Variants in OPHN1 observed in about 807,000 individuals in gnomAD.
The protein encoded by OPHN1 is oligophrenin-1.
Under a neutral mutation model 60.7 loss-of-function variants are expected in OPHN1, and 11 were observed. That is an observed-to-expected ratio of 0.18 (90% CI 0.11 to 0.30). The LOEUF (loss-of-function observed/expected upper bound fraction) is 0.30. Among genes scored for constraint, OPHN1 ranks in the 10% least tolerant of loss-of-function variants. The probability of loss-of-function intolerance (pLI) is 1.00; values close to 1 mark genes in which losing one functional copy is unlikely to be tolerated. For synonymous variants in OPHN1, 226 were observed against 222.6 expected, an observed-to-expected ratio of 1.02 and a Z score of -0.14; for missense variants, 449 against 611.0, an observed-to-expected ratio of 0.73 and a Z score of 2.80.
At position 68,062,834 on chromosome X, in the gene OPHN1, A is replaced by G. The variant is rs557169305; in HGVS notation, c.2158+1020T>C. Among the ~76,000 whole-genome samples, 4 of 112,038 alleles carry G rather than the reference A, an allele frequency of 3.6e-5. No homozygotes were observed. In the Admixed American group the frequency reaches 3.8e-4, roughly 11 times the overall value. On this transcript the variant is annotated intron_variant, in intron 21 of 24. Transcript: ENST00000355520. Reference sequence around the variant, plus strand: ...CTATCTTCATAGAATTGTGTCCCCTAAAACTCCCCTCTGGATTAGCCCCAG... The same window carrying G: ...CTATCTTCATAGAATTGTGTCCCCTGAAACTCCCCTCTGGATTAGCCCCAG...
At position 68,053,681 on chromosome X, in the gene OPHN1, A is replaced by G. The variant is rs772662176; in HGVS notation, c.2288T>C (p.Ile763Thr). 8.3e-7 allele frequency: 1 copy of G among 1,209,637 alleles called. No homozygotes were observed. Among genetic ancestry groups the G allele is most frequent in the African/African-American group, 1.8e-5 (1 of 57,086 alleles). Residue 763 changes from isoleucine to threonine, a missense_variant, in exon 22 of 25, where the codon ATT (isoleucine) becomes ACT (threonine). Physicochemically the swap from Ile to Thr is moderately conservative, Grantham distance 89 (BLOSUM62 -1). Coordinates refer to ENST00000355520, the MANE Select transcript of OPHN1 (RefSeq NM_002547.3). ...GATTTCCCCCGCATTGCCAGCCACA[A>G]TATCTGGCTTTGGTTCTGGCTTTTG... ...TPQKPEPKPDIVAGNAGEITS... is the reference protein window; with the variant it reads ...TPQKPEPKPDTVAGNAGEITS...
intron 2 of OPHN1, among the ~76,000 whole-genome samples, chrX:68,317,338 G>GGAAAGAAAGAAAGAAAGAAA (rs796692093): frequency 0.017 from 501 of 28,780 alleles, 32 homozygotes; most frequent in South Asian, 0.024. Flanking sequence ...AAGAAAGAGA[G>GGAAAGAAAGAAAGAAAGAAA]GAAAGAAAGA....
intron 2 of OPHN1, among the ~76,000 whole-genome samples, chrX:68,320,159 G>A (rs761738077): frequency 9.0e-6 from 1 of 110,769 alleles, no homozygotes; most frequent in Non-Finnish European, 1.9e-5. Flanking sequence ...AGACCAGCCT[G>A]GCCAACATGG....
intron 23 of OPHN1, among the ~76,000 whole-genome samples, chrX:68,049,404 A>G (rs1780027109): frequency 8.9e-6 from 1 of 111,761 alleles, no homozygotes; most frequent in African/African-American, 3.3e-5. Context: ...TAAGTGCCCA[A>G]GTTAGACTTT....
intron 2 of OPHN1, among the ~76,000 whole-genome samples, chrX:68,383,869 G>A (rs2147746306): frequency 9.0e-6 from 1 of 110,695 alleles, no homozygotes; most frequent in African/African-American, 3.3e-5. Flanking sequence ...AGTGTTACTG[G>A]TGACAAAGCC....
intron 15 of OPHN1, among the ~76,000 whole-genome samples, chrX:68,168,458 G>A (rs767031212): frequency 8.8e-4 from 98 of 111,890 alleles, no homozygotes; most frequent in Admixed American, 1.1e-3. Flanking sequence ...AAACCAACGA[G>A]AACAAAGACA....
chrX:68,154,974 G>A (rs1156987392), intron 15 of OPHN1, among the ~76,000 whole-genome samples: 3 of 109,172 alleles, frequency 2.7e-5, no homozygotes, highest in Non-Finnish European at 3.8e-5. Context: ...TGTAGAAATC[G>A]GGAGTAGAGC....
chrX:68,247,347 T>C (rs2077811322), intron 5 of OPHN1, among the ~76,000 whole-genome samples: 1 of 112,019 alleles, frequency 8.9e-6, no homozygotes, highest in African/African-American at 3.2e-5. Flanking sequence ...CTCTTTACTA[T>C]AGTTTTGCTT....
At chrX:68,363,414 A>G (rs1488146295) in intron 2 of OPHN1, among the ~76,000 whole-genome samples, 5 of 110,721 alleles carry the variant, frequency 4.5e-5, no homozygotes, top group African/African-American at 1.6e-4. Flanking sequence ...GGTTCAAGCA[A>G]TTCTCCTGCC....
intron 2 of OPHN1, among the ~76,000 whole-genome samples, chrX:68,328,486 G>A (rs1297383904): frequency 8.9e-6 from 1 of 112,217 alleles, no homozygotes; most frequent in Non-Finnish European, 1.9e-5. Flanking sequence ...GCATAGGAAA[G>A]AATTTCTTAA....
At chrX:68,215,917 C>A (rs1339067591) in intron 6 of OPHN1, among the ~76,000 whole-genome samples, 1 of 109,460 alleles carries the variant, frequency 9.1e-6, no homozygotes, top group Non-Finnish European at 1.9e-5. Context: ...AAATATAGAC[C>A]TAAAAAGAAA....
At chrX:68,213,780 T>C in intron 7 of OPHN1, 82 bp downstream of exon 7, 1 of 597,154 alleles carries the variant, frequency 1.7e-6, no homozygotes, top group Non-Finnish European at 2.8e-6. Context: ...TCTTTGGGAT[T>C]CTGTTTTTAT....
chrX:68,292,012 C>T (rs200135168), intron 3 of OPHN1, among the ~76,000 whole-genome samples: 1 of 111,752 alleles, frequency 8.9e-6, no homozygotes, highest in East Asian at 2.8e-4. Context: ...GTACATATTT[C>T]AGAAATTGAA....
rs185883722 is a variant in OPHN1, at chrX:68,274,161, A to G, written c.384+577T>C. 4.5e-5 allele frequency among the ~76,000 whole-genome samples: 5 copies of G among 111,797 alleles called. No individual in the cohort carries two copies. In the East Asian group the frequency reaches 1.4e-3, roughly 32 times the overall value. ...CCAACACTGGGAATTACAACTGAACATGAAATTTAGGTGGGGACACAGATC... is the reference window on the plus strand; with the variant it reads ...CCAACACTGGGAATTACAACTGAACGTGAAATTTAGGTGGGGACACAGATC... On this transcript the variant is annotated intron_variant, in intron 5 of 24. Coordinates refer to ENST00000355520, the MANE Select transcript of OPHN1 (RefSeq NM_002547.3).
intron 2 of OPHN1, among the ~76,000 whole-genome samples, chrX:68,301,896 C>A (rs150013885): frequency 2.7e-5 from 3 of 112,344 alleles, no homozygotes; most frequent in African/African-American, 6.5e-5. Flanking sequence ...GGGAATGAGA[C>A]AGAATATGAA....
chrX:68,134,907 G>A (rs2077212948), intron 15 of OPHN1, among the ~76,000 whole-genome samples: 1 of 111,113 alleles, frequency 9.0e-6, no homozygotes, highest in Non-Finnish European at 1.9e-5. Flanking sequence ...CCTCTGTTTT[G>A]AGCAGGTAGA....
At chrX:68,378,592 C>T (rs1187641776) in intron 2 of OPHN1, among the ~76,000 whole-genome samples, 1 of 111,850 alleles carries the variant, frequency 8.9e-6, no homozygotes, top group African/African-American at 3.2e-5. Flanking sequence ...TTTAATCCAT[C>T]TTGAATTAAT....
At chrX:68,383,662 C>G (rs1192916408) in intron 2 of OPHN1, among the ~76,000 whole-genome samples, 1 of 100,301 alleles carries the variant, frequency 1.0e-5, no homozygotes, top group Non-Finnish European at 2.0e-5. Flanking sequence ...AAGCGAAACT[C>G]AACATGGAAA....
intron 15 of OPHN1, among the ~76,000 whole-genome samples, chrX:68,149,896 C>T (rs554139298): frequency 9.0e-6 from 1 of 111,259 alleles, no homozygotes; most frequent in African/African-American, 3.3e-5. Flanking sequence ...GCGGAAACAG[C>T]TCAAATGTTC....
Sources: allele counts gnomAD v4.1 joint callset (sites outside exome capture counted in the v4.1 genomes callset), GRCh38; gene constraint gnomAD v4.1.1; transcripts MANE v1.5; gene names NCBI Gene and HGNC (gene_info 2026-07-23, HGNC 2026-07-21).